Variants in APPL1 observed in about 807,000 individuals in gnomAD.
APPL1 encodes DCC-interacting protein 13-alpha.
Under a neutral mutation model 106.8 loss-of-function variants are expected in APPL1, and 42 were observed. The ratio of observed to expected loss-of-function variants is 0.39; its 90% CI spans 0.31 to 0.51. APPL1 has a LOEUF of 0.51. Among genes scored for constraint, APPL1 ranks in the 20% least tolerant of loss-of-function variants. APPL1 has a pLI of 0.75. For missense variants in APPL1, 769 were observed against 858.2 expected (o/e 0.90, Z 1.30); for synonymous variants, 263 against 281.8 (o/e 0.93, Z 0.67).
chr3:57,250,746 A>G (rs2060799019), intron 11 of APPL1, among the ~76,000 whole-genome samples: 1 of 151,068 alleles, frequency 6.6e-6, no homozygotes, highest in South Asian at 2.1e-4. Context: ...TGTTTAGACT[A>G]TCTGCCATTT....
Position 57,242,103 on chromosome 3 carries a change from A to G in APPL1, c.376A>G (p.Ile126Val), listed in dbSNP as rs1391123655. The stretch of plus-strand genomic sequence containing the variant: ...AAATTATTCTTGAACTTTTTCAGAA[A>G]TACTAACATTAAAGGAAGTATTTCA... ...TQFKERDLKE[I>V]LTLKEVFQIA... The change falls in exon 6 of 22, where the codon ATA becomes GTA. Residue 126 changes from isoleucine to valine, a missense_variant and splice_region_variant. Transcript: ENST00000288266. 1.3e-6 allele frequency: 2 copies of G among 1,587,548 alleles called. No homozygotes were observed. Among genetic ancestry groups the G allele is most frequent in the African/African-American group, 2.7e-5 (2 of 74,390 alleles).
rs1281823497 is a variant in APPL1 at position 57,257,026 on chromosome 3, C to A, written c.1222C>A (p.His408Asn). 1.5e-5 allele frequency: 24 copies of A among 1,614,166 alleles called. No individual in the cohort carries two copies. The highest frequency in any genetic ancestry group is 1.9e-5 in the Non-Finnish European group (23 of 1,180,042). ...VTPSPSFQQR[H>N]ESLRPAAGQS... is the part of the protein sequence containing the mutation. ...TCCTTCCCCATCTTTCCAGCAGAGG[C>A]ACGAGAGCCTGCGGCCAGCAGCAGG... The change falls in exon 14 of 22, where the codon CAC becomes AAC. Residue 408 changes from histidine to asparagine, a missense_variant. By Grantham distance (68) the His-to-Asn change is moderately conservative. Transcript: ENST00000288266.
intron 1 of APPL1, among the ~76,000 whole-genome samples, chr3:57,232,629 C>T (rs1397140988): frequency 1.3e-5 from 2 of 152,148 alleles, no homozygotes; most frequent in African/African-American, 4.8e-5. Flanking sequence ...TGGAGTACTT[C>T]TAAGAAATAC....
chr3:57,268,224 C>T, intron 20 of APPL1, 174 bp from the exon 21 acceptor site: 1 of 625,370 alleles, frequency 1.6e-6, no homozygotes, highest in Non-Finnish European at 2.6e-6. Context: ...CTATTACCAA[C>T]ATAGCATTTA....
rs554304527 is a variant in APPL1, at chr3:57,237,974, T to C, written c.214-71T>C. ...AGTTTTCTGAAGTTATTTAAAAATGTAAATTATAGTAATGTCATTCCCAAA... is the reference window on the plus strand; with the variant it reads ...AGTTTTCTGAAGTTATTTAAAAATGCAAATTATAGTAATGTCATTCCCAAA... On this transcript the variant is annotated intron_variant, in intron 3 of 21. Coordinates refer to ENST00000288266, the MANE Select transcript of APPL1 (RefSeq NM_012096.3). The C allele has an allele frequency of 4.7e-5, 56 of 1,193,078 alleles. No homozygotes were observed. The African/African-American group carries it at 8.5e-4, about 18-fold the overall frequency. 73.9% of individuals were successfully genotyped at this position (1,193,078 alleles called of 1,614,324 possible). A position where few individuals can be genotyped will look rare whatever the true frequency, so the allele number is the denominator to read the frequency against.
Position 57,249,353 on chromosome 3 carries a change from C to G in APPL1, c.864-7C>G. ...TATTAAAGAGTGAATGTGCTTTCTT[C>G]ATTCAGTAAAACAGGCTTGGTGTCA... On this transcript the variant is annotated splice_polypyrimidine_tract_variant and splice_region_variant and intron_variant, in intron 10 of 21. Coordinates refer to ENST00000288266, the MANE Select transcript of APPL1 (RefSeq NM_012096.3). 1 of 1,613,982 alleles carries G rather than the reference C, an allele frequency of 6.2e-7. No homozygotes were observed. The highest frequency in any genetic ancestry group is 1.7e-5 in the Admixed American group (1 of 59,976).
chr3:57,242,818 G>A, intron 6 of APPL1, 38 bp from the exon 7 acceptor site: 1 of 1,487,292 alleles, frequency 6.7e-7, no homozygotes, highest in Non-Finnish European at 9.4e-7. Flanking sequence ...GTTTTGAAAA[G>A]TACTGTTGTA....
intron 13 of APPL1, 85 bp downstream of exon 13, chr3:57,253,823 C>A: frequency 3.6e-6 from 4 of 1,100,746 alleles, no homozygotes; most frequent in South Asian, 2.0e-5. Flanking sequence ...CATAATTTCT[C>A]AGGTTCTGTA....
At chr3:57,234,645 T>C (rs1237283725) in intron 1 of APPL1, among the ~76,000 whole-genome samples, 2 of 151,604 alleles carry the variant, frequency 1.3e-5, no homozygotes, top group Non-Finnish European at 2.9e-5. Context: ...AAAATAAAGA[T>C]AATTTAAAAA....
At chr3:57,253,914 G>A (rs1308350846) in intron 13 of APPL1, among the ~76,000 whole-genome samples, 176 bp downstream of exon 13, 2 of 149,804 alleles carry the variant, frequency 1.3e-5, no homozygotes, top group East Asian at 3.9e-4. Context: ...CCAGGCTGGA[G>A]TGCTGTGGCC....
intron 19 of APPL1, among the ~76,000 whole-genome samples, chr3:57,262,913 C>T (rs1040803463): frequency 8.1e-5 from 12 of 148,620 alleles, no homozygotes; most frequent in Admixed American, 4.7e-4. Context: ...TGCAATGGCG[C>T]GATCTTGGCT....
rs1373368783 is a variant in APPL1, at chr3:57,238,123, G to A, written c.285+7G>A. 3.1e-6 allele frequency: 5 copies of A among 1,597,830 alleles called. No individual in the cohort carries two copies. The highest frequency in any genetic ancestry group is 3.4e-5 in the Admixed American group (2 of 58,240). On this transcript the variant is annotated splice_region_variant and intron_variant, in intron 4 of 21. Coordinates refer to ENST00000288266, the MANE Select transcript of APPL1 (RefSeq NM_012096.3). The stretch of plus-strand genomic sequence containing the variant: ...TTCAAAAGTTATAGATGAGGTAAAC[G>A]TTTATTTTATTTTGCTTGATTAAAT...
Position 57,228,095 on chromosome 3 carries a change from G to T in APPL1, c.54+158G>T, listed in dbSNP as rs1288444690. Among the ~76,000 whole-genome samples, 1 of 151,908 alleles carries T rather than the reference G, an allele frequency of 6.6e-6. No individual in the cohort carries two copies. Among genetic ancestry groups the T allele is most frequent in the Non-Finnish European group, 1.5e-5 (1 of 67,958 alleles). ...CGCAGGCCGCGCCCGGAGTTGTGGAGGCTGGGCCCGCCGCCCAAGGCCCGC... is the reference window on the plus strand; with the variant it reads ...CGCAGGCCGCGCCCGGAGTTGTGGATGCTGGGCCCGCCGCCCAAGGCCCGC... On this transcript the variant is annotated intron_variant, in intron 1 of 21. Transcript: ENST00000288266. The surrounding 1 kb of genome is among the most constrained non-coding windows in gnomAD (Gnocchi z 4.6).
At chr3:57,242,798 G>A in intron 6 of APPL1, 58 bp from the exon 7 acceptor site, 1 of 1,285,078 alleles carries the variant, frequency 7.8e-7, no homozygotes, top group Non-Finnish European at 1.1e-6. Flanking sequence ...ACCATTGAAA[G>A]CATTTGTAAG....
At chr3:57,258,755 T>C (rs2060850233) in intron 15 of APPL1, 1 of 298,856 alleles carries the variant, frequency 3.3e-6, no homozygotes, top group Non-Finnish European at 6.1e-6. Flanking sequence ...TCAAGAACTT[T>C]TGCAACATGG....
At position 57,269,822 on chromosome 3, in the gene APPL1, T is replaced by TA. The variant is rs200042046; in HGVS notation, c.*143dup. The TA allele has an allele frequency of 7.0e-4, 718 of 1,033,092 alleles. 3 individuals carry two copies. The African/African-American group carries it at 0.01, about 15-fold the overall frequency. 64.0% of individuals were successfully genotyped at this position (1,033,092 alleles called of 1,614,324 possible). On this transcript the variant is annotated 3_prime_UTR_variant, in exon 22 of 22. Coordinates refer to ENST00000288266, the MANE Select transcript of APPL1 (RefSeq NM_012096.3). ...TTGCTTATTTGTTGTAGCTACATTT[T>TA]AAAAAAAAGATTGAACTTGATGACT...
At chr3:57,231,799 C>T (rs1468921103) in intron 1 of APPL1, among the ~76,000 whole-genome samples, 1 of 144,032 alleles carries the variant, frequency 6.9e-6, no homozygotes, top group Admixed American at 7.0e-5. Flanking sequence ...CAGAACGAGG[C>T]TTTGGCTCTT....
Position 57,260,120 on chromosome 3 carries a change from A to G in APPL1, c.1662A>G (p.Leu554=), listed in dbSNP as rs1223872719. The G allele has an allele frequency of 6.2e-7, 1 of 1,606,582 alleles. No individual in the cohort carries two copies. Among genetic ancestry groups the G allele is most frequent in the Non-Finnish European group, 8.5e-7 (1 of 1,178,486 alleles). The change falls in exon 18 of 22, where the codon TTA becomes TTG. Residue 554 remains leucine (L), a synonymous_variant. Coordinates refer to ENST00000288266, the MANE Select transcript of APPL1 (RefSeq NM_012096.3). The part of the protein sequence containing the change: ...HLLVTCDCLK[L]IDPQTQVTRL... The stretch of plus-strand genomic sequence containing the variant: ...AATTTTTAAATTATTATTTTAGGTT[A>G]ATTGATCCACAGACACAAGTTACAA...
intron 9 of APPL1, 36 bp from the exon 10 acceptor site, chr3:57,248,157 G>A: frequency 6.3e-7 from 1 of 1,577,974 alleles, no homozygotes; most frequent in Non-Finnish European, 8.6e-7. Context: ...TTCTTTATTG[G>A]TTGTGATTTG....
Sources: allele counts gnomAD v4.1 joint callset (sites outside exome capture counted in the v4.1 genomes callset), GRCh38; gene constraint gnomAD v4.1.1; non-coding constraint Gnocchi (gnomAD v3.1); transcripts MANE v1.5; gene names NCBI Gene and HGNC (gene_info 2026-07-23, HGNC 2026-07-21).